Variants in ZBTB38 observed in about 807,000 individuals in gnomAD.
The protein encoded by ZBTB38 is zinc finger and BTB domain containing 38.
A neutral mutation model predicts 76.8 loss-of-function variants in ZBTB38; 20 were observed. That is an observed-to-expected ratio of 0.26 (90% confidence interval 0.18 to 0.38). The LOEUF is 0.38. ZBTB38 is among the 10% of genes least tolerant of loss of function. ZBTB38 has a pLI of 1.00. For missense variants in ZBTB38, 1,082 were observed against 1,482.3 expected (o/e 0.73, Z 4.43); for synonymous variants, 504 against 544.2 (o/e 0.93, Z 1.03).
chr3:141,340,958 G>GAAAAGA lies in ZBTB38; in HGVS notation c.-739+16505_-739+16506insAGAAAA, dbSNP rs759769152. Among the ~76,000 whole-genome samples, 175 of 62,394 alleles carry GAAAAGA rather than the reference G, an allele frequency of 2.8e-3. 2 individuals are homozygous for GAAAAGA. Among genetic ancestry groups the GAAAAGA allele is most frequent in the African/African-American group, 0.018 (158 of 8,770 alleles). 40.9% of individuals were successfully genotyped at this position (62,394 alleles called of 152,430 possible). On this transcript the variant is annotated intron_variant, in intron 1 of 7. Transcript: ENST00000509842. Reference sequence around the variant, plus strand: ...AAAAGAAAAGAAAGAAGGAAAGAAAGAAAGAAAGAAAGAAAGAAAGAAAGA... The same window carrying GAAAAGA: ...AAAAGAAAAGAAAGAAGGAAAGAAAGAAAAGAAAAGAAAGAAAGAAAGAAAGAAAGA...
chr3:141,443,663 A>C lies in ZBTB38; in HGVS notation c.1275A>C (p.Pro425=). The C allele has an allele frequency of 1.2e-6, 2 of 1,614,230 alleles. No homozygotes were observed. Among genetic ancestry groups the C allele is most frequent in the Non-Finnish European group, 1.7e-6 (2 of 1,180,048 alleles). Residue 425 remains proline (P), a synonymous_variant, in exon 6 of 6, where the codon CCA becomes CCC. Transcript: ENST00000321464. This position sits in a 1 kb window ranked among gnomAD's most constrained non-coding sequence, Gnocchi z 5.6. ...IGQNGGSFTG[P]EPLLSENRIG... ...AAAATGGAGGTTCATTCACAGGTCC[A>C]GAACCTTTATTATCTGAAAATAGGA...
chr3:141,340,219 A>G (rs1943132281), intron 1 of ZBTB38, among the ~76,000 whole-genome samples: 1 of 152,238 alleles, frequency 6.6e-6, no homozygotes, highest in Non-Finnish European at 1.5e-5. Context: ...TTTAAAAACC[A>G]TGTATACTTT....
chr3:141,436,175 A>G (rs567460175), intron 5 of ZBTB38, among the ~76,000 whole-genome samples: 2 of 152,304 alleles, frequency 1.3e-5, no homozygotes, highest in South Asian at 2.1e-4. Flanking sequence ...GTCAACGAAT[A>G]CTGTTTTTGG....
intron 2 of ZBTB38, among the ~76,000 whole-genome samples, chr3:141,377,378 C>T (rs1470917151): frequency 6.6e-6 from 1 of 152,228 alleles, no homozygotes; most frequent in Non-Finnish European, 1.5e-5. Flanking sequence ...GCTTAACTGC[C>T]TTCTTGACTG....
rs150540851 is a variant in ZBTB38 at position 141,408,486 on chromosome 3, G to T, written c.-1+4455G>T. Among the ~76,000 whole-genome samples the T allele has an allele frequency of 4.1e-3, 625 of 152,180 alleles. 6 individuals are homozygous for T. Among genetic ancestry groups the T allele is most frequent in the African/African-American group, 0.014 (579 of 41,530 alleles). The stretch of plus-strand genomic sequence containing the variant: ...CACTTGAACCTGGGAGGTAGAAGTT[G>T]CAGTGAGCTGAGATCGCACCACTGC... On this transcript the variant is annotated intron_variant, in intron 5 of 5. Transcript: ENST00000321464.
chr3:141,345,700 T>C (rs1943332448), intron 1 of ZBTB38, among the ~76,000 whole-genome samples: 2 of 151,966 alleles, frequency 1.3e-5, no homozygotes, highest in African/African-American at 4.8e-5. Context: ...CTTATGGTTG[T>C]GGTGCATGGG....
intron 5 of ZBTB38, among the ~76,000 whole-genome samples, chr3:141,407,797 A>G (rs1001661450): frequency 2.0e-5 from 3 of 152,202 alleles, no homozygotes; most frequent in African/African-American, 7.2e-5. Flanking sequence ...GCTAGTTTCA[A>G]CTCCTGTTTC....
intron 5 of ZBTB38, among the ~76,000 whole-genome samples, chr3:141,431,341 A>AATATATATATATATATATATATATAT (rs1553771301): frequency 3.9e-5 from 4 of 103,240 alleles, no homozygotes; most frequent in African/African-American, 1.8e-4. Flanking sequence ...AAAAAAAAAA[A>AATATATATATATATATATATATATAT]ATATATATAT....
chr3:141,419,642 T>C (rs2074898003), intron 5 of ZBTB38, among the ~76,000 whole-genome samples: 1 of 152,132 alleles, frequency 6.6e-6, no homozygotes, highest in Non-Finnish European at 1.5e-5. Flanking sequence ...GAAATACAAT[T>C]TCCCAGCCTG....
At chr3:141,400,229 TTATG>T (rs1249759803) in intron 4 of ZBTB38, among the ~76,000 whole-genome samples, 2 of 152,160 alleles carry the variant, frequency 1.3e-5, no homozygotes, top group African/African-American at 4.8e-5. Context: ...AACGGGTTGA[TTATG>T]TAATTTTTAG....
intron 5 of ZBTB38, among the ~76,000 whole-genome samples, chr3:141,436,743 C>T (rs993109474): frequency 3.3e-5 from 5 of 152,168 alleles, no homozygotes; most frequent in African/African-American, 1.2e-4. Flanking sequence ...AGTGATCCAC[C>T]CACCTTGGCC....
intron 5 of ZBTB38, among the ~76,000 whole-genome samples, chr3:141,429,351 C>T (rs1219946147): frequency 1.3e-5 from 2 of 150,194 alleles, no homozygotes; most frequent in South Asian, 2.1e-4. Flanking sequence ...CAGGGGATGG[C>T]GGCAGGTTGC....
Position 141,445,310 on chromosome 3 carries a change from A to C in ZBTB38, c.2922A>C (p.Glu974Asp). 1 of 1,614,188 alleles carries C rather than the reference A, an allele frequency of 6.2e-7. No homozygotes were observed. Among genetic ancestry groups the C allele is most frequent in the Non-Finnish European group, 8.5e-7 (1 of 1,180,042 alleles). Reference protein sequence around the residue: ...KAPQDKPFEEEETKEMPKLQC... With the variant: ...KAPQDKPFEEDETKEMPKLQC... ...CTCAGGATAAACCCTTTGAGGAAGA[A>C]GAAACTAAAGAGATGCCCAAGCTGC... Residue 974 changes from glutamate to aspartate, a missense_variant, in exon 6 of 6, where the codon GAA becomes GAC. Physicochemically the swap from Glu to Asp is conservative, Grantham distance 45. Transcript: ENST00000321464. This position sits in a 1 kb window ranked among gnomAD's most constrained non-coding sequence, Gnocchi z 6.5.
At chr3:141,419,475 A>C (rs139266717) in intron 5 of ZBTB38, among the ~76,000 whole-genome samples, 3 of 152,336 alleles carry the variant, frequency 2.0e-5, no homozygotes, top group Non-Finnish European at 4.4e-5. Context: ...GTTTAGAATC[A>C]CACAAATCTA....
chr3:141,414,276 C>T (rs572765582), intron 5 of ZBTB38, among the ~76,000 whole-genome samples: 65 of 152,246 alleles, frequency 4.3e-4, no homozygotes, highest in Admixed American at 3.3e-3. Flanking sequence ...GTCTGCAGGC[C>T]GAATGGAGCC....
chr3:141,400,496 G>A (rs764099398), intron 4 of ZBTB38, among the ~76,000 whole-genome samples: 9 of 152,170 alleles, frequency 5.9e-5, no homozygotes, highest in Non-Finnish European at 1.3e-4. Flanking sequence ...ACAAAAAAGT[G>A]GATATGGATT....
At chr3:141,431,355 T>TATATATATATATA (rs1362541027) in intron 5 of ZBTB38, among the ~76,000 whole-genome samples, 1 of 137,874 alleles carries the variant, frequency 7.3e-6, no homozygotes, top group Non-Finnish European at 1.5e-5. Flanking sequence ...TATATATATA[T>TATATATATATATA]TTGGGGGGGA....
intron 2 of ZBTB38, among the ~76,000 whole-genome samples, chr3:141,377,362 C>A (rs1945531589): frequency 6.6e-6 from 1 of 152,222 alleles, no homozygotes; most frequent in Non-Finnish European, 1.5e-5. Flanking sequence ...CTCAGAAGGC[C>A]ACAGAGCTTA....
intron 1 of ZBTB38, among the ~76,000 whole-genome samples, chr3:141,359,921 A>G (rs2148955612): frequency 6.6e-6 from 1 of 152,294 alleles, no homozygotes. Flanking sequence ...ACAGAGCAAG[A>G]CCCTGTCTCA....
Sources: allele counts gnomAD v4.1 joint callset (sites outside exome capture counted in the v4.1 genomes callset), GRCh38; gene constraint gnomAD v4.1.1; non-coding constraint Gnocchi (gnomAD v3.1); transcripts MANE v1.5; gene names NCBI Gene and HGNC (gene_info 2026-07-23, HGNC 2026-07-21).